COL5A2: variants seen among roughly 807,000 people sequenced by gnomAD.
COL5A2 encodes the protein collagen alpha-2(V) chain.
Under a neutral mutation model 208.2 loss-of-function variants are expected in COL5A2, and 23 were observed. That is an observed-to-expected ratio of 0.11 (90% CI 0.08 to 0.16). The LOEUF is 0.16. Among genes scored for constraint, COL5A2 ranks in the 10% least tolerant of loss-of-function variants. COL5A2 has a pLI of 1.00. For synonymous variants in COL5A2, 625 were observed against 628.5 expected, an observed-to-expected ratio of 0.99 and a Z score of 0.08; for missense variants, 1,590 against 1,956.4, an observed-to-expected ratio of 0.81 and a Z score of 3.53.
At chr2:189,037,768 TTAAAC>T (rs1433131290) in intron 51 of COL5A2, among the ~76,000 whole-genome samples, 1 of 152,106 alleles carries the variant, frequency 6.6e-6, no homozygotes, top group Admixed American at 6.5e-5. Context: ...TCATAGAACA[TTAAAC>T]TACATGAAAG....
intron 45 of COL5A2, among the ~76,000 whole-genome samples, chr2:189,047,204 G>A (rs1001292497): frequency 6.6e-6 from 1 of 151,890 alleles, no homozygotes; most frequent in South Asian, 2.1e-4. Flanking sequence ...TTAAACTTGT[G>A]ATTTTAAAAG....
the COL5A2 span, among the ~76,000 whole-genome samples, chr2:189,330,490 T>G: frequency 6.6e-6 from 1 of 152,074 alleles, no homozygotes; most frequent in Non-Finnish European, 1.5e-5. Flanking sequence ...ATAATATATA[T>G]CTATCTTCTG....
At chr2:189,203,798 G>A (rs1441746079) in intron 1 of COL5A2, among the ~76,000 whole-genome samples, 2 of 152,092 alleles carry the variant, frequency 1.3e-5, no homozygotes, top group Non-Finnish European at 2.9e-5. Flanking sequence ...ATCTCACACT[G>A]AAGTTCAGAA....
At chr2:189,238,083 T>C in the COL5A2 span, among the ~76,000 whole-genome samples, 1 of 150,890 alleles carries the variant, frequency 6.6e-6, no homozygotes, top group Non-Finnish European at 1.5e-5. Flanking sequence ...AAAATAAATA[T>C]GTATAAAACA....
the COL5A2 span, among the ~76,000 whole-genome samples, chr2:189,268,782 C>T: frequency 6.6e-6 from 1 of 152,044 alleles, no homozygotes; most frequent in Non-Finnish European, 1.5e-5. Context: ...TAATATATCT[C>T]TTACATAAAG....
rs754429372 is a variant in COL5A2, at chr2:189,045,901, G to A, written c.3208C>T (p.Arg1070Cys). 8.9e-5 allele frequency: 143 copies of A among 1,613,380 alleles called. No homozygotes were observed. Among genetic ancestry groups the A allele is most frequent in the Non-Finnish European group, 1.1e-4 (129 of 1,179,546 alleles). ...AGACCTGCAGGCCCAGGGTCTCCAC[G>A]ATCACCCTAACAAGAATAACCATGA... is the stretch of plus-strand genomic sequence containing the variant. ...RDGAVGERGDRGDPGPAGLPG... is the reference protein window; with the variant it reads ...RDGAVGERGDCGDPGPAGLPG... The change falls in exon 46 of 54, where the codon CGT (arginine) becomes TGT (cysteine). Residue 1070 changes from arginine (R) to cysteine (C), a missense_variant. Coordinates refer to ENST00000374866, the MANE Select transcript of COL5A2 (RefSeq NM_000393.5).
chr2:189,091,315 G>A (rs1279645584), intron 7 of COL5A2, among the ~76,000 whole-genome samples: 5 of 152,132 alleles, frequency 3.3e-5, no homozygotes, highest in Admixed American at 1.3e-4. Flanking sequence ...AAAGAAAGTC[G>A]TTTCTCAAGA....
chr2:189,096,037 T>G (rs570963279), intron 6 of COL5A2: 1 of 152,188 alleles, frequency 6.6e-6, no homozygotes, highest in Non-Finnish European at 1.5e-5. Context: ...GAAAAAGTAC[T>G]GACATCACAC....
At chr2:189,309,689 T>C in the COL5A2 span, among the ~76,000 whole-genome samples, 1 of 152,204 alleles carries the variant, frequency 6.6e-6, no homozygotes, top group Non-Finnish European at 1.5e-5. Flanking sequence ...CTTATACCCC[T>C]CAGTTGAATT....
chr2:189,115,843 G>C (rs775446005), intron 1 of COL5A2, among the ~76,000 whole-genome samples: 5 of 152,172 alleles, frequency 3.3e-5, no homozygotes, highest in Non-Finnish European at 7.3e-5. Flanking sequence ...AAAAAGATAA[G>C]CACTTTTAGC....
Position 189,049,411 on chromosome 2 carries a change from T to G in COL5A2, c.3083A>C (p.Lys1028Thr). ...KVGPTGATGD[K>T]GPPGPVGPPG... is the part of the protein sequence containing the mutation. ...GGGCCCCACAGGTCCAGGTGGACCT[T>G]TATCTCCTGTTGCACCAGTTGGTCC... is the stretch of plus-strand genomic sequence containing the variant. The change falls in exon 44 of 54, where the codon AAA becomes ACA. Residue 1028 changes from lysine to threonine, a missense_variant. Physicochemically the swap from Lys to Thr is moderately conservative, Grantham distance 78. Transcript: ENST00000374866. 2 of 1,613,714 alleles carry G rather than the reference T, an allele frequency of 1.2e-6. No homozygotes were observed. Among genetic ancestry groups the G allele is most frequent in the Non-Finnish European group, 1.7e-6 (2 of 1,179,850 alleles).
upstream of COL5A2, among the ~76,000 whole-genome samples, chr2:189,229,289 A>G (rs888431221): frequency 6.6e-6 from 1 of 151,772 alleles, no homozygotes; most frequent in Non-Finnish European, 1.5e-5. Context: ...TCAACACAGT[A>G]CTAGAAGTCC....
chr2:189,257,842 C>T, the COL5A2 span, among the ~76,000 whole-genome samples: 10 of 152,166 alleles, frequency 6.6e-5, no homozygotes, highest in Non-Finnish European at 8.8e-5. Context: ...AGGCCAGGCG[C>T]GGTGGTTCAC....
chr2:189,416,177 G>T, the COL5A2 span, among the ~76,000 whole-genome samples: 1 of 152,138 alleles, frequency 6.6e-6, no homozygotes, highest in Non-Finnish European at 1.5e-5. Flanking sequence ...TCTAGAACTA[G>T]AAATACCATT....
chr2:189,322,151 C>A, the COL5A2 span, among the ~76,000 whole-genome samples: 1 of 152,136 alleles, frequency 6.6e-6, no homozygotes, highest in Non-Finnish European at 1.5e-5. Context: ...CACAACATAC[C>A]AGAATCTCTG....
chr2:189,260,743 A>C, the COL5A2 span, among the ~76,000 whole-genome samples: 1 of 152,228 alleles, frequency 6.6e-6, no homozygotes, highest in Non-Finnish European at 1.5e-5. Flanking sequence ...GATGTTCTCT[A>C]TTCAGAATAT....
chr2:189,321,254 T>C, the COL5A2 span, among the ~76,000 whole-genome samples: 1 of 152,104 alleles, frequency 6.6e-6, no homozygotes, highest in Non-Finnish European at 1.5e-5. Context: ...GGAAACTGCA[T>C]CAACTAACGA....
At chr2:189,409,670 A>G in the COL5A2 span, among the ~76,000 whole-genome samples, 1 of 152,198 alleles carries the variant, frequency 6.6e-6, no homozygotes, top group African/African-American at 2.4e-5. Flanking sequence ...ATTTTAATGG[A>G]AAAATAAAAA....
the COL5A2 span, among the ~76,000 whole-genome samples, chr2:189,235,009 A>G: frequency 6.6e-6 from 1 of 151,760 alleles, no homozygotes; most frequent in Admixed American, 6.6e-5. Context: ...CATTATTGAG[A>G]TATTACATTC....
Sources: allele counts gnomAD v4.1 joint callset (sites outside exome capture counted in the v4.1 genomes callset), GRCh38; gene constraint gnomAD v4.1.1; transcripts MANE v1.5; gene names NCBI Gene and HGNC (gene_info 2026-07-23, HGNC 2026-07-21).